VPS33A: variants seen among roughly 807,000 people sequenced by gnomAD.
The protein encoded by VPS33A is VPS33A core subunit of CORVET and HOPS complexes, also known as vacuolar protein sorting-associated protein 33A.
A neutral mutation model predicts 71.8 loss-of-function variants in VPS33A; 32 were observed. The observed-to-expected ratio is 0.45, with a 90% CI of 0.34 to 0.60. The LOEUF (loss-of-function observed/expected upper bound fraction) is 0.60, where lower values mean the gene tolerates loss of function less well. Ranked by LOEUF, VPS33A falls within the 20% of genes least tolerant of loss-of-function variation. The pLI, the probability that VPS33A is intolerant of heterozygous loss-of-function variation, is 0.02. For missense variants in VPS33A, 625 were observed against 748.5 expected (o/e 0.84, Z 1.92); for synonymous variants, 311 against 292.7 (o/e 1.06, Z -0.64).
Position 122,264,161 on chromosome 12 carries a change from G to A in VPS33A, c.141C>T (p.Gly47=), listed in dbSNP as rs1342679841. 6.4e-7 allele frequency: 1 copy of A among 1,563,186 alleles called. No homozygotes were observed. The highest frequency in any genetic ancestry group is 8.7e-7 in the Non-Finnish European group (1 of 1,145,356). Residue 47 remains glycine, a synonymous_variant, in exon 2 of 13, where the codon GGC becomes GGT. Transcript: ENST00000267199. ...VWDEYLTGPF[G]LIAQYSLLKE... ...TCAATAGTGAATACTGTGCAATCAGGCCAAAGGGTCCAGTTAGGTATTCAT... is the reference window on the plus strand; with the variant it reads ...TCAATAGTGAATACTGTGCAATCAGACCAAAGGGTCCAGTTAGGTATTCAT...
At chr12:122,246,470 T>C (rs1175056568) in intron 6 of VPS33A, among the ~76,000 whole-genome samples, 1 of 151,472 alleles carries the variant, frequency 6.6e-6, no homozygotes, top group African/African-American at 2.4e-5. Flanking sequence ...CGACTAATTT[T>C]TGTACTTTTA....
At chr12:122,232,708 A>G in intron 12 of VPS33A, 92 bp downstream of exon 12, 1 of 1,471,610 alleles carries the variant, frequency 6.8e-7, no homozygotes, top group Non-Finnish European at 9.1e-7. Context: ...TCTGACTCCT[A>G]AGTGCTTTAC....
intron 4 of VPS33A, among the ~76,000 whole-genome samples, chr12:122,255,054 G>GAAAAAAA: frequency 7.7e-6 from 1 of 129,796 alleles, no homozygotes. Flanking sequence ...CAGTTTCAAG[G>GAAAAAAA]AAAAAAAAAA....
Position 122,232,889 on chromosome 12 carries a change from C to T in VPS33A, c.1520G>A (p.Gly507Asp), listed in dbSNP as rs775478277. 6.2e-7 allele frequency: 1 copy of T among 1,614,046 alleles called. No homozygotes were observed. Residue 507 changes from glycine to aspartate, a missense_variant, in exon 12 of 13, where the codon GGC becomes GAC. By Grantham distance (94) the Gly-to-Asp change is moderately conservative. Coordinates refer to ENST00000267199, the MANE Select transcript of VPS33A (RefSeq NM_022916.6). The part of the protein sequence containing the change: ...VRLAQLLSRP[G>D]WRSIEEVLRI... The stretch of plus-strand genomic sequence containing the variant: ...GAGGACCTCCTCGATGCTCCGCCAG[C>T]CAGGCCGGGAAAGCAGCTGGGCCAG...
intron 11 of VPS33A, 141 bp downstream of exon 11, chr12:122,235,644 AC>A: frequency 9.2e-7 from 1 of 1,081,212 alleles, no homozygotes. Flanking sequence ...TGGATACAAT[AC>A]ATGCATACAT....
intron 6 of VPS33A, 106 bp from the exon 7 acceptor site, chr12:122,244,868 C>T (rs1213319480): frequency 3.2e-5 from 35 of 1,099,282 alleles, no homozygotes; most frequent in East Asian, 1.2e-4. Context: ...AAATGGAAGA[C>T]GGCAAACGAC....
chr12:122,252,640 CA>C (rs1206641903), intron 4 of VPS33A, among the ~76,000 whole-genome samples: 1 of 152,062 alleles, frequency 6.6e-6, no homozygotes, highest in Non-Finnish European at 1.5e-5. Flanking sequence ...GGGAAGCAGT[CA>C]CTTTTGATAC....
chr12:122,239,480 A>T (rs1424512727), intron 9 of VPS33A, among the ~76,000 whole-genome samples: 1 of 152,198 alleles, frequency 6.6e-6, no homozygotes, highest in Admixed American at 6.6e-5. Context: ...TCACGCCTGT[A>T]ATCCCAACAG....
chr12:122,257,426 CAAA>C (rs35763135), intron 4 of VPS33A, among the ~76,000 whole-genome samples: 5,802 of 64,792 alleles, frequency 0.09, 157 homozygotes, highest in Non-Finnish European at 0.13. Context: ...GACTCTGCCT[CAAA>C]AAAAAAAAAA....
chr12:122,232,956 T>C lies in VPS33A; in HGVS notation c.1453A>G (p.Ile485Val), dbSNP rs757091429. The stretch of plus-strand genomic sequence containing the variant: ...GCATACCCACTGTACACATACGATA[T>C]GTCCGTGGGGTTCTGTGAGATAATT... ...DDVNEQNPTD[I>V]SYVYSGYAPL... Residue 485 changes from isoleucine to valine, a missense_variant, in exon 12 of 13, where the codon ATA (isoleucine) becomes GTA (valine). Physicochemically the swap from Ile to Val is conservative, Grantham distance 29. Transcript: ENST00000267199. 2.9e-5 allele frequency: 46 copies of C among 1,605,276 alleles called. No individual in the cohort carries two copies. The highest frequency in any genetic ancestry group is 3.4e-5 in the Non-Finnish European group (40 of 1,174,818).
chr12:122,266,451 C>G lies in VPS33A; in HGVS notation c.-43G>C. The G allele has an allele frequency of 1.3e-6, 2 of 1,587,538 alleles. No homozygotes were observed. Among genetic ancestry groups the G allele is most frequent in the Middle Eastern group, 1.7e-4 (1 of 5,984 alleles). On this transcript the variant is annotated 5_prime_UTR_variant, in exon 1 of 13. Coordinates refer to ENST00000267199, the MANE Select transcript of VPS33A (RefSeq NM_022916.6). ...TGCCCCACAACGCCAACCGAGTCCG[C>G]CGGTTCCTACGGGAGGACCACGGAC...
At chr12:122,246,634 C>T (rs1954780885) in intron 6 of VPS33A, among the ~76,000 whole-genome samples, 1 of 151,824 alleles carries the variant, frequency 6.6e-6, no homozygotes. Context: ...CAGTCTCAGT[C>T]TGTCACCCAG....
At chr12:122,247,272 T>C (rs1469569009) in intron 6 of VPS33A, among the ~76,000 whole-genome samples, 4 of 152,062 alleles carry the variant, frequency 2.6e-5, no homozygotes, top group Non-Finnish European at 5.9e-5. Context: ...CCTTCCCACA[T>C]ACCTCCCACC....
chr12:122,238,484 A>G, intron 10 of VPS33A, 103 bp downstream of exon 10: 1 of 1,393,984 alleles, frequency 7.2e-7, no homozygotes. Flanking sequence ...GGCCTCCCAA[A>G]GTGCTGGGAT....
rs112197774 is a variant in VPS33A at position 122,234,733 on chromosome 12, C to T, written c.1440+1053G>A. ...TCCAATGCCTTCTCTTTGGGTCTGACCAAGACAAAGCACCAGAGTGAACTG... is the reference window on the plus strand; with the variant it reads ...TCCAATGCCTTCTCTTTGGGTCTGATCAAGACAAAGCACCAGAGTGAACTG... On this transcript the variant is annotated intron_variant, in intron 11 of 12. Transcript: ENST00000267199. 1.9e-3 allele frequency among the ~76,000 whole-genome samples: 278 copies of T among 146,060 alleles called. 5 individuals carry two copies. The East Asian group carries it at 0.042, about 22-fold the overall frequency.
Position 122,232,927 on chromosome 12 carries a change from C to CGG in VPS33A, c.1480_1481dup (p.Leu495ArgfsTer51). 1 of 1,613,836 alleles carries CGG rather than the reference C, an allele frequency of 6.2e-7. No homozygotes were observed. The highest frequency in any genetic ancestry group is 8.5e-7 in the Non-Finnish European group (1 of 1,179,970). ...GCAGCTGGGCCAGCCGCACACTGAG[C>CGG]GGGGCATACCCACTGTACACATACG... On this transcript the variant is annotated frameshift_variant, in exon 12 of 13. Transcript: ENST00000267199. LOFTEE classifies it high-confidence loss of function.
Position 122,266,337 on chromosome 12 carries a change from G to A in VPS33A, c.72C>T (p.Arg24=). The A allele has an allele frequency of 2.5e-6, 4 of 1,613,152 alleles. No individual in the cohort carries two copies. Among genetic ancestry groups the A allele is most frequent in the Non-Finnish European group, 3.4e-6 (4 of 1,179,940 alleles). ...TTCCTGCGCACTTGTCCAGGAACTC[G>A]CGCAGCTCGCGACGCACCGCCTCGC... ...VLREAVRREL[R]EFLDKCAGSK... The change falls in exon 1 of 13, where the codon CGC becomes CGT. Residue 24 remains arginine (R), a synonymous_variant. Transcript: ENST00000267199.
rs1954756403 is a variant in VPS33A at position 122,244,767 on chromosome 12, G to C, written c.776-5C>G. 6.2e-7 allele frequency: 1 copy of C among 1,608,372 alleles called. No individual in the cohort carries two copies. The highest frequency in any genetic ancestry group is 1.3e-5 in the African/African-American group (1 of 74,814). ...CTGGAGGTAATTTCACATAACCTGA[G>C]CAGCAGTGGAAGGGAATAAGCACCT... On this transcript the variant is annotated splice_polypyrimidine_tract_variant and splice_region_variant and intron_variant, in intron 6 of 12. Transcript: ENST00000267199.
chr12:122,255,103 A>C (rs1954899350), intron 4 of VPS33A, among the ~76,000 whole-genome samples: 1 of 152,122 alleles, frequency 6.6e-6, no homozygotes. Context: ...ACAAATCATA[A>C]GTAAAATAAA....
Sources: allele counts gnomAD v4.1 joint callset (sites outside exome capture counted in the v4.1 genomes callset), GRCh38; gene constraint gnomAD v4.1.1; transcripts MANE v1.5; gene names NCBI Gene and HGNC (gene_info 2026-07-23, HGNC 2026-07-21).